The following BORA variants were observed in gnomAD, a reference collection of about 807,000 sequenced individuals.
BORA encodes protein aurora borealis.
In BORA, 26 loss-of-function variants were observed where a neutral mutation model predicts 55.8. That is an observed-to-expected ratio of 0.47 (90% confidence interval 0.34 to 0.65). The LOEUF (loss-of-function observed/expected upper bound fraction) is 0.65. Ranked by LOEUF, BORA falls within the 30% of genes least tolerant of loss-of-function variation. The probability of loss-of-function intolerance (pLI) is 0.01; values close to 1 mark genes in which losing one functional copy is unlikely to be tolerated. For synonymous variants in BORA, 201 were observed against 216.9 expected (o/e 0.93, Z 0.64); for missense variants, 568 against 671.5 (o/e 0.85, Z 1.70).
intron 10 of BORA, 73 bp downstream of exon 10, chr13:72,747,184 TAAGA>T: frequency 1.3e-6 from 2 of 1,482,006 alleles, no homozygotes; most frequent in Non-Finnish European, 1.8e-6. Flanking sequence ...GATTATAGTA[TAAGA>T]AAGATAATGG....
Position 72,749,965 on chromosome 13 carries a change from A to C in BORA, c.1482+2854A>C, listed in dbSNP as rs192861983. ...AGCAGTCATGCATGTTTTTATCCCC[A>C]GTGCTTATTAAAAAGAACCCGTCAC... On this transcript the variant is annotated intron_variant, in intron 10 of 11. Coordinates refer to ENST00000390667, the MANE Select transcript of BORA (RefSeq NM_024808.5). 9.5e-4 allele frequency among the ~76,000 whole-genome samples: 144 copies of C among 152,296 alleles called. No homozygotes were observed. The Middle Eastern group carries it at 0.02, about 22-fold the overall frequency.
rs550602801 is a variant in BORA at position 72,743,900 on chromosome 13, T to G, written c.454+298T>G. Among the ~76,000 whole-genome samples, 178 of 152,052 alleles carry G rather than the reference T, an allele frequency of 1.2e-3. 1 individual carries two copies. Among genetic ancestry groups the G allele is most frequent in the Middle Eastern group, 6.8e-3 (2 of 294 alleles). On this transcript the variant is annotated intron_variant, in intron 6 of 11. Transcript: ENST00000390667. ...ACAGGCACCCGCCACCACACCTGGC[T>G]AATTTTTGTATTTTTTTGTAGAGAC...
At chr13:72,752,203 G>C (rs1035640633) in intron 10 of BORA, 1 of 152,176 alleles carries the variant, frequency 6.6e-6, no homozygotes, top group African/African-American at 2.4e-5. Context: ...CAGGCTGTGG[G>C]ATCTTAAGGC....
At chr13:72,748,095 A>C (rs570018755) in intron 10 of BORA, among the ~76,000 whole-genome samples, 30 of 152,304 alleles carry the variant, frequency 2.0e-4, no homozygotes, top group African/African-American at 6.5e-4. Context: ...TAGCAATAAC[A>C]TCTAACACTA....
chr13:72,728,078 G>A (rs769252430), intron 1 of BORA, 71 bp downstream of exon 1: 24 of 1,543,676 alleles, frequency 1.6e-5, no homozygotes, highest in African/African-American at 1.4e-5. Context: ...CCCAGCTCCT[G>A]ACTTGCCTGC....
At chr13:72,728,095 G>C in intron 1 of BORA, 88 bp downstream of exon 1, 3 of 1,511,544 alleles carry the variant, frequency 2.0e-6, no homozygotes, top group Non-Finnish European at 2.7e-6. Flanking sequence ...CTGCCCGCTC[G>C]CCCCTGGTGA....
intron 10 of BORA, among the ~76,000 whole-genome samples, chr13:72,750,725 C>T (rs1033141656): frequency 1.3e-5 from 2 of 152,072 alleles, no homozygotes; most frequent in African/African-American, 4.8e-5. Flanking sequence ...GTACCAGAGA[C>T]CATGCCAAGC....
chr13:72,747,540 G>T (rs544816629), intron 10 of BORA, among the ~76,000 whole-genome samples: 1 of 151,754 alleles, frequency 6.6e-6, no homozygotes, highest in South Asian at 2.1e-4. Context: ...TTAGAGCACT[G>T]GTTTTTTTTT....
At chr13:72,735,534 A>T (rs943299975) in intron 4 of BORA, among the ~76,000 whole-genome samples, 3 of 152,184 alleles carry the variant, frequency 2.0e-5, no homozygotes, top group African/African-American at 7.2e-5. Context: ...TCTAAAAAAT[A>T]AAAATAATTA....
Position 72,728,970 on chromosome 13 carries a change from A to G in BORA, c.30A>G (p.Gln10=). The G allele has an allele frequency of 2.5e-6, 4 of 1,606,790 alleles. No homozygotes were observed. The highest frequency in any genetic ancestry group is 3.4e-6 in the Non-Finnish European group (4 of 1,177,902). The change falls in exon 2 of 12, where the codon CAA becomes CAG. Residue 10 remains glutamine (Q), a synonymous_variant. Transcript: ENST00000390667. MGDVKESKM[Q]ITPETPGRIP... is the part of the protein sequence containing the mutation. ...GAGATGTCAAGGAATCAAAGATGCA[A>G]ATAACACCAGAAACTCCAGGAAGGA...
intron 5 of BORA, among the ~76,000 whole-genome samples, chr13:72,739,202 A>G (rs921159151): frequency 6.6e-6 from 1 of 152,156 alleles, no homozygotes. Flanking sequence ...TTTCACCCCC[A>G]GATTCTTTAC....
intron 5 of BORA, among the ~76,000 whole-genome samples, chr13:72,742,928 T>G (rs2033065640): frequency 6.6e-6 from 1 of 152,086 alleles, no homozygotes; most frequent in Admixed American, 6.6e-5. Context: ...AGACAAATAC[T>G]GAATGATTTC....
At chr13:72,732,646 T>C (rs2032843438) in intron 3 of BORA, among the ~76,000 whole-genome samples, 1 of 152,028 alleles carries the variant, frequency 6.6e-6, no homozygotes, top group South Asian at 2.1e-4. Context: ...CATTGCACTC[T>C]AGCCTGGGGG....
chr13:72,751,397 C>T (rs1314829588), intron 10 of BORA, among the ~76,000 whole-genome samples: 1 of 152,112 alleles, frequency 6.6e-6, no homozygotes, highest in African/African-American at 2.4e-5. Flanking sequence ...GGTATATATA[C>T]ACAATGGAAT....
In BORA at chr13:72,755,788, A is replaced by G; in HGVS notation, c.*572A>G. 1 of 398,248 alleles carries G rather than the reference A, an allele frequency of 2.5e-6. No individual in the cohort carries two copies. The highest frequency in any genetic ancestry group is 4.4e-6 in the Non-Finnish European group (1 of 226,002). 24.7% of individuals were successfully genotyped at this position (398,248 alleles called of 1,614,324 possible). A position where few individuals can be genotyped will look rare whatever the true frequency, so the allele number is the denominator to read the frequency against. On this transcript the variant is annotated 3_prime_UTR_variant, in exon 12 of 12. Transcript: ENST00000390667. ...GATAACTGTTCTAGTTACTACTTTT[A>G]AGTATGTAAATACTAGAAAGGTAGT...
Position 72,746,983 on chromosome 13 carries a change from G to A in BORA, c.1354G>A (p.Val452Ile), listed in dbSNP as rs199872400. Residue 452 changes from valine (V) to isoleucine (I), a missense_variant, in exon 10 of 12, where the codon GTT becomes ATT. Coordinates refer to ENST00000390667, the MANE Select transcript of BORA (RefSeq NM_024808.5). ...TGAGACCACTTGGATTAAGGAGCCG[G>A]TTGATAATGGCAGTTTACCCATGAC... ...ADETTWIKEP[V>I]DNGSLPMTDF... 1.2e-6 allele frequency: 2 copies of A among 1,613,974 alleles called. No individual in the cohort carries two copies. Among genetic ancestry groups the A allele is most frequent in the Non-Finnish European group, 1.7e-6 (2 of 1,179,990 alleles).
Position 72,746,705 on chromosome 13 carries a change from G to T in BORA, c.1076G>T (p.Gly359Val), listed in dbSNP as rs2138092274. The change falls in exon 10 of 12, where the codon GGT becomes GTT. Residue 359 changes from glycine (G) to valine (V), a missense_variant. Transcript: ENST00000390667. The part of the protein sequence containing the change: ...IQIPFTLETQ[G>V]EDEEDKENIP... ...ATACCTTTTACTCTTGAGACTCAAG[G>T]TGAAGATGAGGAAGATAAAGAGAAT... The T allele has an allele frequency of 6.2e-7, 1 of 1,614,104 alleles. No individual in the cohort carries two copies. The highest frequency in any genetic ancestry group is 1.7e-5 in the Admixed American group (1 of 60,006).
chr13:72,747,142 C>T, intron 10 of BORA, 31 bp downstream of exon 10: 1 of 1,598,200 alleles, frequency 6.3e-7, no homozygotes, highest in Non-Finnish European at 8.5e-7. Flanking sequence ...TAGCCCCTTC[C>T]TCACTGCCTT....
At chr13:72,735,141 A>G (rs1192994174) in intron 4 of BORA, 136 bp downstream of exon 4, 12 of 673,330 alleles carry the variant, frequency 1.8e-5, no homozygotes, top group Non-Finnish European at 3.1e-5. Context: ...CCATCTATAT[A>G]AAGCACCCTT....
Sources: gnomAD v4.1 joint callset for allele counts (sites outside exome capture counted in the v4.1 genomes callset) on GRCh38, gnomAD v4.1.1 for gene constraint, MANE v1.5 for transcripts, NCBI Gene and HGNC (gene_info 2026-07-23, HGNC 2026-07-21) for gene names.